The following BASP1 variants were observed in gnomAD, a reference collection of about 807,000 sequenced individuals.
BASP1 encodes the protein brain acid soluble protein 1.
BASP1 carries 1 observed loss-of-function variant against 2.2 expected under a neutral mutation model. The observed-to-expected ratio is 0.46, with a 90% CI of 0.16 to 2.17. The LOEUF is 2.17. Ranked by LOEUF, BASP1 falls within the 30% of genes most tolerant of loss-of-function variation. The probability of loss-of-function intolerance (pLI) is 0.27; values close to 1 mark genes in which losing one functional copy is unlikely to be tolerated. For missense variants in BASP1, 352 were observed against 327.2 expected (o/e 1.08, Z -0.58); for synonymous variants, 187 against 154.2 (o/e 1.21, Z -1.58).
At chr5:17,244,975 G>A (rs1222528967) in intron 1 of BASP1, among the ~76,000 whole-genome samples, 20 of 145,036 alleles carry the variant, frequency 1.4e-4, no homozygotes, top group Middle Eastern at 3.5e-3. Flanking sequence ...ATGCCCAGCC[G>A]ATACTATAAT....
intron 1 of BASP1, among the ~76,000 whole-genome samples, chr5:17,267,729 C>T (rs555697550): frequency 7.5e-5 from 11 of 145,856 alleles, no homozygotes; most frequent in Admixed American, 4.9e-4. Flanking sequence ...ATGTTGGCCA[C>T]GCTTGTCTTG....
chr5:17,245,051 C>T (rs1481593112), intron 1 of BASP1, among the ~76,000 whole-genome samples: 3 of 150,750 alleles, frequency 2.0e-5, no homozygotes, highest in African/African-American at 4.9e-5. Flanking sequence ...CGCCTGTAAT[C>T]CCAGCACTTT....
In BASP1 at chr5:17,251,672, A is replaced by G. The variant is rs1332135340; in HGVS notation, c.-9-23536A>G. Among the ~76,000 whole-genome samples the G allele has an allele frequency of 6.6e-6, 1 of 152,220 alleles. No homozygotes were observed. The highest frequency in any genetic ancestry group is 2.4e-5 in the African/African-American group (1 of 41,454). ...GAACATATTTTAGTGGAACATATTT[A>G]GTGGAACATAAGCATTGGATGTGAG... On this transcript the variant is annotated intron_variant, in intron 1 of 1. Coordinates refer to ENST00000322611, the MANE Select transcript of BASP1 (RefSeq NM_006317.5). This position sits in a 1 kb window ranked among gnomAD's most constrained non-coding sequence, Gnocchi z 4.0.
chr5:17,259,124 G>T (rs1290855188), intron 1 of BASP1, among the ~76,000 whole-genome samples: 1 of 152,196 alleles, frequency 6.6e-6, no homozygotes, highest in Admixed American at 6.5e-5. Context: ...CATGGCTAGG[G>T]AGGCCTCACA....
chr5:17,246,610 G>A (rs1320551197), intron 1 of BASP1, among the ~76,000 whole-genome samples: 1 of 145,406 alleles, frequency 6.9e-6, no homozygotes, highest in Non-Finnish European at 1.6e-5. Context: ...ATAGTGCTGT[G>A]TTTTAACTTT....
intron 1 of BASP1, among the ~76,000 whole-genome samples, chr5:17,241,260 C>T (rs1379038471): frequency 1.3e-5 from 2 of 151,966 alleles, no homozygotes; most frequent in African/African-American, 2.4e-5. Flanking sequence ...CCACCAGTCC[C>T]GGCTAATTTT....
At chr5:17,218,231 G>T (rs1739306036) in intron 1 of BASP1, among the ~76,000 whole-genome samples, 1 of 142,144 alleles carries the variant, frequency 7.0e-6, no homozygotes, top group African/African-American at 2.6e-5. Context: ...ACCAGCCTGG[G>T]AGAAAGCGCT....
intron 1 of BASP1, among the ~76,000 whole-genome samples, chr5:17,229,679 C>T (rs1045230447): frequency 6.6e-6 from 1 of 152,078 alleles, no homozygotes; most frequent in African/African-American, 2.4e-5. Context: ...CCTGTGTCTA[C>T]TCAGGCTGCC....
At chr5:17,274,753 A>C (rs1479024386) in intron 1 of BASP1, among the ~76,000 whole-genome samples, 1 of 152,224 alleles carries the variant, frequency 6.6e-6, no homozygotes, top group East Asian at 1.9e-4. Context: ...TTCGTGACAC[A>C]TTGTTTTAAA....
intron 1 of BASP1, among the ~76,000 whole-genome samples, chr5:17,242,325 G>A (rs985587072): frequency 1.3e-5 from 2 of 151,914 alleles, no homozygotes; most frequent in South Asian, 2.1e-4. Context: ...TTTTTTGTTC[G>A]ACTTTATTTG....
intron 1 of BASP1, among the ~76,000 whole-genome samples, chr5:17,224,676 G>GTC (rs574308546): frequency 2.0e-4 from 30 of 152,298 alleles, no homozygotes; most frequent in Non-Finnish European, 3.8e-4. Flanking sequence ...AATACCTTAA[G>GTC]TCATTCCTTT....
intron 1 of BASP1, chr5:17,240,811 T>C (rs377460399): frequency 9.8e-5 from 15 of 152,302 alleles, no homozygotes; most frequent in African/African-American, 2.9e-4. Flanking sequence ...AAGTATTGAT[T>C]CTTTATAAAT....
At chr5:17,270,420 T>C (rs1740509199) in intron 1 of BASP1, among the ~76,000 whole-genome samples, 1 of 152,234 alleles carries the variant, frequency 6.6e-6, no homozygotes, top group Admixed American at 6.5e-5. Context: ...ACTGTTAATA[T>C]ATTTAAAAAG....
rs140513070 is a variant in BASP1, at chr5:17,247,770, G to A, written c.-9-27438G>A. Among the ~76,000 whole-genome samples, 18 of 152,298 alleles carry A rather than the reference G, an allele frequency of 1.2e-4. No individual in the cohort carries two copies. The East Asian group carries it at 2.9e-3, about 24-fold the overall frequency. On this transcript the variant is annotated intron_variant, in intron 1 of 1. Transcript: ENST00000322611. ...GTTCGTGTCCGTGTGCTGGCGCTTCGTATGTACATTTTTGTTGCGTCTTTA... is the reference window on the plus strand; with the variant it reads ...GTTCGTGTCCGTGTGCTGGCGCTTCATATGTACATTTTTGTTGCGTCTTTA...
chr5:17,275,976 T>A lies in BASP1; in HGVS notation c.*76T>A. The A allele has an allele frequency of 5.5e-6, 7 of 1,274,572 alleles. No individual in the cohort carries two copies. The highest frequency in any genetic ancestry group is 7.3e-6 in the Non-Finnish European group (7 of 952,658). The allele number at this position is 1,274,572 out of a possible 1,614,324, so 79.0% of individuals were successfully genotyped here. On this transcript the variant is annotated 3_prime_UTR_variant, in exon 2 of 2. Transcript: ENST00000322611. This position sits in a 1 kb window ranked among gnomAD's most constrained non-coding sequence, Gnocchi z 5.3. ...CTCTCTCTCTCTCTCTCTCTATCTC[T>A]CTCTCTATCTCCTCTCTCTCTCTCC...
At chr5:17,245,502 C>T (rs1408989339) in intron 1 of BASP1, among the ~76,000 whole-genome samples, 2 of 152,112 alleles carry the variant, frequency 1.3e-5, no homozygotes, top group East Asian at 3.8e-4. Flanking sequence ...TTATTGTATT[C>T]AGGAGACCAA....
At chr5:17,243,208 C>T (rs1739905589) in intron 1 of BASP1, among the ~76,000 whole-genome samples, 1 of 151,456 alleles carries the variant, frequency 6.6e-6, no homozygotes, top group East Asian at 1.9e-4. Flanking sequence ...GAGTGCAGGG[C>T]CGCGATCTTG....
At position 17,260,896 on chromosome 5, in the gene BASP1, G is replaced by GGAA. The variant is rs1740299972; in HGVS notation, c.-9-14311_-9-14310insAAG. On this transcript the variant is annotated intron_variant, in intron 1 of 1. Coordinates refer to ENST00000322611, the MANE Select transcript of BASP1 (RefSeq NM_006317.5). This position sits in a 1 kb window ranked among gnomAD's most constrained non-coding sequence, Gnocchi z 4.2. Reference sequence around the variant, plus strand: ...CAATATAAAAGGGTTAAGCAGGCCTGGCCTGGTGGTGGCTAACACCTGTAA... The same window carrying GGAA: ...CAATATAAAAGGGTTAAGCAGGCCTGGAAGCCTGGTGGTGGCTAACACCTGTAA... 6.6e-6 allele frequency among the ~76,000 whole-genome samples: 1 copy of GGAA among 152,226 alleles called. No individual in the cohort carries two copies. The highest frequency in any genetic ancestry group is 2.4e-5 in the African/African-American group (1 of 41,470).
intron 1 of BASP1, among the ~76,000 whole-genome samples, chr5:17,253,430 C>G (rs1740139468): frequency 6.6e-6 from 1 of 152,158 alleles, no homozygotes; most frequent in Non-Finnish European, 1.5e-5. Context: ...CCAGGCTGGT[C>G]TGGAACCCCT....
Sources: gnomAD v4.1 joint callset for allele counts (sites outside exome capture counted in the v4.1 genomes callset) on GRCh38, gnomAD v4.1.1 for gene constraint, Gnocchi (gnomAD v3.1) non-coding constraint, MANE v1.5 for transcripts, NCBI Gene and HGNC (gene_info 2026-07-23, HGNC 2026-07-21) for gene names.